Variants in RIC3 observed in about 807,000 individuals in gnomAD.
The protein encoded by RIC3 is RIC3 acetylcholine receptor chaperone.
A neutral mutation model predicts 27.3 loss-of-function variants in RIC3; 28 were observed. That is an observed-to-expected ratio of 1.02 (90% CI 0.76 to 1.41). RIC3 has a LOEUF of 1.41. Ranked by LOEUF, RIC3 falls within the 40% of genes most tolerant of loss-of-function variation. RIC3 has a pLI of 0.00. For synonymous variants in RIC3, 184 were observed against 160.4 expected (o/e 1.15, Z -1.11); for missense variants, 501 against 444.7 (o/e 1.13, Z -1.14).
rs758507516 is a variant in RIC3, at chr11:8,111,096, A to C, written c.712T>G (p.Cys238Gly). The change falls in exon 6 of 6, where the codon TGT becomes GGT. Residue 238 changes from cysteine to glycine, a missense_variant. By Grantham distance (159) the Cys-to-Gly change is radical. Transcript: ENST00000309737. ...ETYPIYDLSD[C>G]IKRRQETILV... is the part of the protein sequence containing the mutation. ...ATTGTTTCTTGCCTACGCTTGATAC[A>C]GTCTGAAAGGTCATAAATTGGGTAA... The C allele has an allele frequency of 3.7e-6, 6 of 1,613,544 alleles. No individual in the cohort carries two copies. The South Asian group carries it at 6.6e-5, about 18-fold the overall frequency.
Position 8,145,192 on chromosome 11 carries a change from A to T in RIC3, c.125-4999T>A, listed in dbSNP as rs1372290936. On this transcript the variant is annotated intron_variant, in intron 1 of 5. Coordinates refer to ENST00000309737, the MANE Select transcript of RIC3 (RefSeq NM_001206671.4). Reference sequence around the variant, plus strand: ...ACTTAAAGTATAATAAAAAAAAATTAAAAAAAAATTAAAAAAAAAAAAGAA... The same window carrying T: ...ACTTAAAGTATAATAAAAAAAAATTTAAAAAAAATTAAAAAAAAAAAAGAA... Among the ~76,000 whole-genome samples, 119 of 115,826 alleles carry T rather than the reference A, an allele frequency of 1.0e-3. 1 individual carries two copies. Among genetic ancestry groups the T allele is most frequent in the Middle Eastern group, 3.9e-3 (1 of 258 alleles). The allele number at this position is 115,826 out of a possible 152,430, so 76.0% of individuals were successfully genotyped here. A position where few individuals can be genotyped will look rare whatever the true frequency, so the allele number is the denominator to read the frequency against.
At chr11:8,147,824 T>A (rs1420381257) in intron 1 of RIC3, among the ~76,000 whole-genome samples, 4 of 150,860 alleles carry the variant, frequency 2.7e-5, no homozygotes, top group African/African-American at 9.8e-5. Flanking sequence ...GACTCCCTGG[T>A]TCAAGTGATT....
chr11:8,139,938 T>G (rs1590236362), intron 2 of RIC3, 29 bp downstream of exon 2: 1 of 1,566,602 alleles, frequency 6.4e-7, no homozygotes, highest in South Asian at 1.1e-5. Context: ...TTTTCATTGA[T>G]GTAATATGAT....
chr11:8,104,449 T>G (rs1399550194), downstream of RIC3: 1 of 152,238 alleles, frequency 6.6e-6, no homozygotes, highest in East Asian at 1.9e-4. Context: ...TGTGCGTCTG[T>G]GTGTTTATTT....
chr11:8,101,141 T>C, downstream of RIC3: 3 of 1,041,530 alleles, frequency 2.9e-6, no homozygotes, highest in Non-Finnish European at 4.1e-6. Flanking sequence ...TGGAACTTTC[T>C]AACCCTAATG....
the RIC3 span, chr11:8,100,866 C>T: frequency 2.0e-5 from 33 of 1,614,144 alleles, no homozygotes; most frequent in Admixed American, 2.2e-4. Flanking sequence ...AATAAGAACA[C>T]GGAGAGTATC....
intron 1 of RIC3, among the ~76,000 whole-genome samples, chr11:8,149,360 T>C (rs1950020741): frequency 6.6e-6 from 1 of 152,124 alleles, no homozygotes; most frequent in Non-Finnish European, 1.5e-5. Context: ...AAGTAGGACT[T>C]ACTACCAAAT....
At chr11:8,096,165 G>A in the RIC3 span, among the ~76,000 whole-genome samples, 1 of 152,230 alleles carries the variant, frequency 6.6e-6, no homozygotes, top group Non-Finnish European at 1.5e-5. Context: ...GGGAATGGCA[G>A]GCGGGAGGAC....
intron 1 of RIC3, among the ~76,000 whole-genome samples, chr11:8,163,069 C>CACACACACACACACACA (rs1565138023): frequency 5.1e-5 from 7 of 138,156 alleles, no homozygotes; most frequent in Admixed American, 1.4e-4. Flanking sequence ...ACACACACAC[C>CACACACACACACACACA]CCCCAAAACA....
At chr11:8,099,217 A>G in the RIC3 span, among the ~76,000 whole-genome samples, 3 of 152,112 alleles carry the variant, frequency 2.0e-5, no homozygotes, top group Admixed American at 6.5e-5. Context: ...CAGGTTCTAC[A>G]TGGATTACAC....
chr11:8,166,885 G>C (rs10839988), intron 1 of RIC3, among the ~76,000 whole-genome samples: 39,479 of 151,390 alleles, frequency 0.26, 5,227 homozygotes, highest in East Asian at 0.44. Context: ...CAGGGAAAGG[G>C]AAAGAGAAAG....
the RIC3 span, among the ~76,000 whole-genome samples, chr11:8,093,615 C>T: frequency 2.6e-5 from 4 of 152,300 alleles, no homozygotes; most frequent in South Asian, 2.1e-4. Context: ...AGAGCCCCCT[C>T]GTAGGCTCCC....
chr11:8,096,869 C>A, the RIC3 span: 1 of 1,579,584 alleles, frequency 6.3e-7, no homozygotes, highest in Non-Finnish European at 8.7e-7. Flanking sequence ...TAGAGGTGGA[C>A]TGCATGTGAA....
intron 5 of RIC3, among the ~76,000 whole-genome samples, chr11:8,122,944 T>C (rs1946623565): frequency 7.4e-6 from 1 of 135,950 alleles, no homozygotes; most frequent in Non-Finnish European, 1.6e-5. Context: ...TTCCCAGAAA[T>C]GGCATGGATG....
the RIC3 span, chr11:8,095,617 G>A: frequency 8.1e-6 from 13 of 1,611,738 alleles, no homozygotes; most frequent in Non-Finnish European, 1.0e-5. Flanking sequence ...AGCTGGTGGG[G>A]GCGAACGGCC....
intron 1 of RIC3, among the ~76,000 whole-genome samples, chr11:8,159,229 AG>A (rs2134246648): frequency 6.6e-6 from 1 of 152,322 alleles, no homozygotes; most frequent in African/African-American, 2.4e-5. Context: ...GATATCCAAA[AG>A]AAGAGCATTT....
chr11:8,130,096 T>A (rs1316326748), intron 4 of RIC3, among the ~76,000 whole-genome samples: 1 of 152,218 alleles, frequency 6.6e-6, no homozygotes, highest in African/African-American at 2.4e-5. Context: ...ATTACTCTTA[T>A]CTGGTTAGTA....
chr11:8,145,833 C>T (rs527273944), intron 1 of RIC3, among the ~76,000 whole-genome samples: 1 of 152,018 alleles, frequency 6.6e-6, no homozygotes, highest in Non-Finnish European at 1.5e-5. Context: ...AAATAACACT[C>T]TAAATAAATA....
chr11:8,167,326 T>C (rs74892451), intron 1 of RIC3, among the ~76,000 whole-genome samples: 3,456 of 152,158 alleles, frequency 0.023, 127 homozygotes, highest in African/African-American at 0.08. Flanking sequence ...ATATAAAACA[T>C]GATAAAATAG....
Sources: gnomAD v4.1 joint callset for allele counts (sites outside exome capture counted in the v4.1 genomes callset) on GRCh38, gnomAD v4.1.1 for gene constraint, MANE v1.5 for transcripts, NCBI Gene and HGNC (gene_info 2026-07-23, HGNC 2026-07-21) for gene names.